The following PLCL1 variants were observed in gnomAD, a reference collection of about 807,000 sequenced individuals.
The protein encoded by PLCL1 is phospholipase C like 1 (inactive).
Under a neutral mutation model 84.4 loss-of-function variants are expected in PLCL1, and 41 were observed. That is an observed-to-expected ratio of 0.49 (90% CI 0.38 to 0.63). The LOEUF is 0.63. Ranked by LOEUF, PLCL1 falls within the 30% of genes least tolerant of loss-of-function variation. The pLI, the probability that PLCL1 is intolerant of heterozygous loss-of-function variation, is 0.00. For synonymous variants in PLCL1, 490 were observed against 488.3 expected (o/e 1.00, Z -0.05); for missense variants, 1,206 against 1,367.8 (o/e 0.88, Z 1.87).
intron 1 of PLCL1, among the ~76,000 whole-genome samples, chr2:198,022,272 A>G (rs1281773503): frequency 6.6e-6 from 1 of 152,174 alleles, no homozygotes; most frequent in East Asian, 1.9e-4. Context: ...ACCCACTGAT[A>G]TCATACTGAA....
At chr2:197,903,683 T>C (rs1371449737) in intron 1 of PLCL1, among the ~76,000 whole-genome samples, 1 of 132,314 alleles carries the variant, frequency 7.6e-6, no homozygotes, top group Non-Finnish European at 1.6e-5. Flanking sequence ...TTTTGTATTT[T>C]TAGTAGAGAC....
At chr2:197,995,466 A>G (rs1690438352) in intron 1 of PLCL1, among the ~76,000 whole-genome samples, 1 of 152,294 alleles carries the variant, frequency 6.6e-6, no homozygotes, top group South Asian at 2.1e-4. Context: ...GCCACATGAT[A>G]TACATGTCAG....
intron 1 of PLCL1, among the ~76,000 whole-genome samples, chr2:197,867,715 C>G (rs754446146): frequency 1.3e-5 from 2 of 152,072 alleles, no homozygotes; most frequent in Non-Finnish European, 2.9e-5. Context: ...GCTGGGATCC[C>G]CAGGGTAGTA....
chr2:197,839,616 A>G (rs1489053501), intron 1 of PLCL1, among the ~76,000 whole-genome samples: 1 of 152,312 alleles, frequency 6.6e-6, no homozygotes, highest in Non-Finnish European at 1.5e-5. Context: ...GTCCGTAGCC[A>G]TGGGATTGGG....
intron 1 of PLCL1, among the ~76,000 whole-genome samples, chr2:197,877,554 C>T (rs536630483): frequency 6.6e-6 from 1 of 151,974 alleles, no homozygotes; most frequent in East Asian, 1.9e-4. Flanking sequence ...ACTTATGGTC[C>T]AGAAATAAAA....
intron 1 of PLCL1, among the ~76,000 whole-genome samples, chr2:197,823,642 T>C (rs201803656): frequency 1.3e-5 from 2 of 152,134 alleles, no homozygotes; most frequent in East Asian, 3.9e-4. Context: ...TTGGCTGCCA[T>C]ATCTAACCAG....
intron 1 of PLCL1, among the ~76,000 whole-genome samples, chr2:197,964,479 C>T (rs1689688120): frequency 6.6e-6 from 1 of 151,986 alleles, no homozygotes; most frequent in African/African-American, 2.4e-5. Flanking sequence ...ATTTGTTTAT[C>T]AGTTCTAATA....
chr2:197,901,023 T>C (rs1559039806), intron 1 of PLCL1, among the ~76,000 whole-genome samples: 1 of 152,120 alleles, frequency 6.6e-6, no homozygotes, highest in African/African-American at 2.4e-5. Flanking sequence ...AACAGAAAAA[T>C]GGATTAGGTA....
chr2:197,881,228 G>A (rs1051982644), intron 1 of PLCL1, among the ~76,000 whole-genome samples: 2 of 152,106 alleles, frequency 1.3e-5, no homozygotes, highest in Non-Finnish European at 2.9e-5. Flanking sequence ...ATATGTGACG[G>A]TTTCAGCACC....
intron 1 of PLCL1, among the ~76,000 whole-genome samples, chr2:197,867,663 C>G (rs1468897286): frequency 1.3e-5 from 2 of 152,080 alleles, no homozygotes; most frequent in African/African-American, 4.8e-5. Context: ...CCAGTTGTTG[C>G]TGACACATCC....
rs1690401488 is a variant in PLCL1 at position 197,993,900 on chromosome 2, C to A, written c.241-89858C>A. ...AGTGGTAGACAAGATATATCCAGCA[C>A]ATGAGTGGAATTCCTCTTTGGTCCA... is the stretch of plus-strand genomic sequence containing the variant. On this transcript the variant is annotated intron_variant, in intron 1 of 5. Coordinates refer to ENST00000428675, the MANE Select transcript of PLCL1 (RefSeq NM_006226.4). Among the ~76,000 whole-genome samples the A allele has an allele frequency of 2.0e-5, 3 of 152,174 alleles. No homozygotes were observed. The South Asian group carries it at 6.2e-4, about 32-fold the overall frequency.
rs760577848 is a variant in PLCL1 at position 197,983,200 on chromosome 2, C to CTTTTTTTTTTTTTTTTTTTTTTTTTTTT, written c.241-100546_241-100519dup. 1.5e-3 allele frequency among the ~76,000 whole-genome samples: 90 copies of CTTTTTTTTTTTTTTTTTTTTTTTTTTTT among 60,290 alleles called. 4 individuals are homozygous for CTTTTTTTTTTTTTTTTTTTTTTTTTTTT. Among genetic ancestry groups the CTTTTTTTTTTTTTTTTTTTTTTTTTTTT allele is most frequent in the Middle Eastern group, 0.012 (1 of 86 alleles). The allele number at this position is 60,290 out of a possible 152,430, so 39.6% of individuals were successfully genotyped here. A position where few individuals can be genotyped will look rare whatever the true frequency, so the allele number is the denominator to read the frequency against. On this transcript the variant is annotated intron_variant, in intron 1 of 5. Transcript: ENST00000428675. ...TTTCTTTTTCTTTTTCTTTTCTTTTCTTTTTTTTTTTTTTTTTTTTTTTTT... is the reference window on the plus strand; with the variant it reads ...TTTCTTTTTCTTTTTCTTTTCTTTTCTTTTTTTTTTTTTTTTTTTTTTTTTTTTTTTTTTTTTTTTTTTTTTTTTTTTT...
chr2:198,120,446 C>A (rs1265571699), intron 5 of PLCL1, among the ~76,000 whole-genome samples: 2 of 151,972 alleles, frequency 1.3e-5, no homozygotes, highest in Non-Finnish European at 2.9e-5. Flanking sequence ...TACCCATTAA[C>A]CATCCTCATC....
At chr2:198,031,365 G>C (rs966416912) in intron 1 of PLCL1, among the ~76,000 whole-genome samples, 1 of 151,788 alleles carries the variant, frequency 6.6e-6, no homozygotes, top group African/African-American at 2.4e-5. Flanking sequence ...AAGAGGCCCC[G>C]TGTCTTTATA....
chr2:198,046,175 C>G (rs567387436), intron 1 of PLCL1, among the ~76,000 whole-genome samples: 2 of 152,140 alleles, frequency 1.3e-5, no homozygotes, highest in African/African-American at 2.4e-5. Context: ...TGCTTTCATG[C>G]TACAGTGGCA....
Position 197,834,241 on chromosome 2 carries a change from G to A in PLCL1, c.240+28902G>A, listed in dbSNP as rs140926417. Reference sequence around the variant, plus strand: ...GCAATACCATTTAGGACATGGGCATGGGCACAGACTTCATGACTAAAACAC... The same window carrying A: ...GCAATACCATTTAGGACATGGGCATAGGCACAGACTTCATGACTAAAACAC... On this transcript the variant is annotated intron_variant, in intron 1 of 5. Transcript: ENST00000428675. Among the ~76,000 whole-genome samples the A allele has an allele frequency of 3.1e-3, 479 of 152,260 alleles. 6 individuals carry two copies. The highest frequency in any genetic ancestry group is 8.5e-3 in the East Asian group (44 of 5,178).
In PLCL1 at chr2:197,825,476, T is replaced by C. The variant is rs139874762; in HGVS notation, c.240+20137T>C. 4.4e-4 allele frequency among the ~76,000 whole-genome samples: 67 copies of C among 152,312 alleles called. 2 individuals carry two copies. In the South Asian group the frequency reaches 9.7e-3, roughly 22 times the overall value. ...GGGAAATTACAGTGTCTCCTACCAA[T>C]TCCATGAAGAAAGGGACCACATTTT... On this transcript the variant is annotated intron_variant, in intron 1 of 5. Coordinates refer to ENST00000428675, the MANE Select transcript of PLCL1 (RefSeq NM_006226.4).
rs771318565 is a variant in PLCL1, at chr2:198,086,125, C to T, written c.2608C>T (p.Arg870Trp). The change falls in exon 2 of 6, where the codon CGG becomes TGG. Residue 870 changes from arginine to tryptophan, a missense_variant. Coordinates refer to ENST00000428675, the MANE Select transcript of PLCL1 (RefSeq NM_006226.4). The part of the protein sequence containing the change: ...SLSVRMGKKV[R>W]EYTMLRNIGL... ...TTCAGTGAGAATGGGGAAGAAAGTT[C>T]GGGAATATACCATGCTCAGGAATAT... 11 of 1,613,638 alleles carry T rather than the reference C, an allele frequency of 6.8e-6. No homozygotes were observed. The East Asian group carries it at 1.3e-4, about 20-fold the overall frequency.
chr2:197,928,208 A>C (rs1281234783), intron 1 of PLCL1, among the ~76,000 whole-genome samples: 1 of 152,198 alleles, frequency 6.6e-6, no homozygotes, highest in African/African-American at 2.4e-5. Context: ...TGATATATGT[A>C]TTAGCTCTTC....
Sources: allele counts gnomAD v4.1 joint callset (sites outside exome capture counted in the v4.1 genomes callset), GRCh38; gene constraint gnomAD v4.1.1; transcripts MANE v1.5; gene names NCBI Gene and HGNC (gene_info 2026-07-23, HGNC 2026-07-21).